The following RGS6 variants were observed in gnomAD, a reference collection of about 807,000 sequenced individuals.
The protein encoded by RGS6 is regulator of G protein signaling 6, also known as regulator of G-protein signaling 6.
A neutral mutation model predicts 78.5 loss-of-function variants in RGS6; 30 were observed. The ratio of observed to expected loss-of-function variants is 0.38; its 90% CI spans 0.29 to 0.52. The LOEUF (loss-of-function observed/expected upper bound fraction) is 0.52, where lower values mean the gene tolerates loss of function less well. Among genes scored for constraint, RGS6 ranks in the 20% least tolerant of loss-of-function variants. RGS6 has a pLI of 0.85. For synonymous variants in RGS6, 206 were observed against 206.0 expected (o/e 1.00, Z 0.00); for missense variants, 495 against 609.7 (o/e 0.81, Z 1.98).
intron 2 of RGS6, among the ~76,000 whole-genome samples, chr14:72,095,553 TG>T (rs2153513060): frequency 6.6e-6 from 1 of 152,354 alleles, no homozygotes; most frequent in African/African-American, 2.4e-5. Flanking sequence ...TCAAAATGGC[TG>T]TAACAGTGTC....
chr14:72,282,919 A>G (rs563133566), intron 2 of RGS6, among the ~76,000 whole-genome samples: 10 of 152,276 alleles, frequency 6.6e-5, no homozygotes, highest in Middle Eastern at 3.4e-3. Context: ...TTGTTCAGTA[A>G]TAACTCCCTA....
At chr14:72,049,242 A>G (rs2093068906) in intron 2 of RGS6, among the ~76,000 whole-genome samples, 1 of 152,204 alleles carries the variant, frequency 6.6e-6, no homozygotes, top group South Asian at 2.1e-4. Context: ...AAAACTTTCT[A>G]GTAATAGCAG....
At chr14:72,508,716 A>C (rs532027347) in intron 13 of RGS6, among the ~76,000 whole-genome samples, 20 of 152,200 alleles carry the variant, frequency 1.3e-4, no homozygotes, top group African/African-American at 4.6e-4. Flanking sequence ...AAAAGAGGAA[A>C]AATGAGTATT....
chr14:71,985,592 C>A (rs2094675822), intron 2 of RGS6, among the ~76,000 whole-genome samples: 1 of 152,122 alleles, frequency 6.6e-6, no homozygotes, highest in Non-Finnish European at 1.5e-5. Flanking sequence ...TTGATTTTGG[C>A]ATATATAGAC....
At chr14:72,278,227 A>G (rs538093637) in intron 2 of RGS6, among the ~76,000 whole-genome samples, 14 of 152,250 alleles carry the variant, frequency 9.2e-5, no homozygotes, top group Non-Finnish European at 1.3e-4. Flanking sequence ...ACGATTCCTG[A>G]ATTTTCAAAA....
chr14:72,409,798 G>C (rs985193831), intron 3 of RGS6, among the ~76,000 whole-genome samples: 1 of 152,096 alleles, frequency 6.6e-6, no homozygotes, highest in Non-Finnish European at 1.5e-5. Context: ...CCACCTGTGA[G>C]TGAGAACATG....
At chr14:72,613,193 G>T in the RGS6 span, among the ~76,000 whole-genome samples, 3 of 152,288 alleles carry the variant, frequency 2.0e-5, no homozygotes, top group African/African-American at 4.8e-5. Context: ...GGGTTGTGTT[G>T]CTGAGGGAAT....
chr14:72,484,931 ATTTTTT>A (rs550497245), intron 12 of RGS6, among the ~76,000 whole-genome samples: 2 of 117,962 alleles, frequency 1.7e-5, no homozygotes, highest in Non-Finnish European at 3.5e-5. Context: ...CATCTGGTAG[ATTTTTT>A]TTTTTTTTTT....
chr14:72,011,072 C>G (rs1318066097), intron 2 of RGS6, among the ~76,000 whole-genome samples: 1 of 152,200 alleles, frequency 6.6e-6, no homozygotes, highest in Non-Finnish European at 1.5e-5. Flanking sequence ...GCTACTTGAG[C>G]TCCTGAAAGT....
chr14:72,427,580 C>T (rs1315054781), intron 3 of RGS6, among the ~76,000 whole-genome samples: 1 of 152,198 alleles, frequency 6.6e-6, no homozygotes, highest in East Asian at 1.9e-4. Context: ...CTCATTTTCC[C>T]TCCTAACCCC....
At chr14:72,267,353 AAAG>A (rs1456571102) in intron 2 of RGS6, among the ~76,000 whole-genome samples, 1 of 147,838 alleles carries the variant, frequency 6.8e-6, no homozygotes, top group Admixed American at 6.9e-5. Context: ...GTCCATAAAT[AAAG>A]TTTCTTTGGA....
intron 3 of RGS6, among the ~76,000 whole-genome samples, chr14:72,395,368 G>C (rs966732662): frequency 6.6e-6 from 1 of 151,982 alleles, no homozygotes; most frequent in Non-Finnish European, 1.5e-5. Flanking sequence ...AGAGAAGTTG[G>C]CTGGCTAGAT....
At chr14:72,118,958 T>A (rs1372600278) in intron 2 of RGS6, among the ~76,000 whole-genome samples, 1 of 152,212 alleles carries the variant, frequency 6.6e-6, no homozygotes, top group Non-Finnish European at 1.5e-5. Flanking sequence ...CAGTGGAATC[T>A]TCCAAAAGAC....
intron 2 of RGS6, among the ~76,000 whole-genome samples, chr14:72,331,815 A>C (rs1018060670): frequency 6.6e-6 from 1 of 151,960 alleles, no homozygotes; most frequent in African/African-American, 2.4e-5. Context: ...CAAACACCCA[A>C]TTTTGTTTTT....
At chr14:72,588,846 T>C in the RGS6 span, among the ~76,000 whole-genome samples, 9,434 of 152,000 alleles carry the variant, frequency 0.062, 978 homozygotes, top group African/African-American at 0.22. Flanking sequence ...AAGAAAGGAG[T>C]GTGCAGGAGA....
intron 3 of RGS6, among the ~76,000 whole-genome samples, chr14:72,442,604 C>T (rs981611328): frequency 6.6e-6 from 1 of 152,220 alleles, no homozygotes; most frequent in African/African-American, 2.4e-5. Context: ...GCAATGACAA[C>T]AATGATAAAC....
the RGS6 span, among the ~76,000 whole-genome samples, chr14:71,887,395 C>T: frequency 9.9e-5 from 15 of 152,062 alleles, no homozygotes; most frequent in Non-Finnish European, 1.0e-4. Context: ...CCTGCAGGGT[C>T]AGGCAAAAAG....
the RGS6 span, among the ~76,000 whole-genome samples, chr14:72,618,057 C>A: frequency 4.5e-5 from 5 of 111,552 alleles, no homozygotes; most frequent in Non-Finnish European, 7.6e-5. Context: ...CTTCTAGACA[C>A]ATTTTTTTTT....
intron 2 of RGS6, among the ~76,000 whole-genome samples, chr14:72,052,919 T>C (rs921194028): frequency 6.6e-6 from 1 of 151,788 alleles, no homozygotes; most frequent in Admixed American, 6.6e-5. Flanking sequence ...CAGAGTTTCA[T>C]TGTATTTTTC....
Sources: gnomAD v4.1 joint callset for allele counts (sites outside exome capture counted in the v4.1 genomes callset) on GRCh38, gnomAD v4.1.1 for gene constraint, MANE v1.5 for transcripts, NCBI Gene and HGNC (gene_info 2026-07-23, HGNC 2026-07-21) for gene names.